NRG1: variants seen among roughly 807,000 people sequenced by gnomAD.
NRG1 encodes pro-neuregulin-1, membrane-bound isoform.
In NRG1, 18 loss-of-function variants were observed where a neutral mutation model predicts 63.8. The observed-to-expected ratio is 0.28, with a 90% CI of 0.19 to 0.42. The LOEUF is 0.42. Ranked by LOEUF, NRG1 falls within the 10% of genes least tolerant of loss-of-function variation. NRG1 has a pLI of 1.00. For missense variants in NRG1, 762 were observed against 814.7 expected, an observed-to-expected ratio of 0.94 and a Z score of 0.79; for synonymous variants, 302 against 301.3, an observed-to-expected ratio of 1.00 and a Z score of -0.02.
At chr8:31,672,211 T>C (rs779323583) in intron 1 of NRG1, among the ~76,000 whole-genome samples, 1 of 152,116 alleles carries the variant, frequency 6.6e-6, no homozygotes, top group Non-Finnish European at 1.5e-5. Context: ...GCAAGCCTAA[T>C]GTATATGATT....
At chr8:31,759,316 C>G (rs1262102974) in intron 1 of NRG1, among the ~76,000 whole-genome samples, 4 of 152,016 alleles carry the variant, frequency 2.6e-5, no homozygotes, top group Non-Finnish European at 5.9e-5. Context: ...ATTTGCCTAT[C>G]AAGTTTATGA....
intron 8 of NRG1, among the ~76,000 whole-genome samples, chr8:32,755,867 C>A (rs113766435): frequency 1.3e-5 from 2 of 151,936 alleles, no homozygotes; most frequent in Admixed American, 1.3e-4. Flanking sequence ...CTCAGCCTCC[C>A]GAGTAGCTGG....
intron 1 of NRG1, among the ~76,000 whole-genome samples, chr8:32,393,428 G>A (rs529209777): frequency 6.6e-6 from 1 of 152,180 alleles, no homozygotes; most frequent in South Asian, 2.1e-4. Context: ...AAAAACACAC[G>A]CATGCTTATG....
At chr8:32,187,472 T>C (rs987985534) in intron 1 of NRG1, among the ~76,000 whole-genome samples, 2 of 152,200 alleles carry the variant, frequency 1.3e-5, no homozygotes, top group Non-Finnish European at 2.9e-5. Flanking sequence ...AAAAGAGTTA[T>C]TGAGAGCTCT....
intron 1 of NRG1, among the ~76,000 whole-genome samples, chr8:32,030,052 C>T (rs1048286537): frequency 6.6e-6 from 1 of 152,050 alleles, no homozygotes; most frequent in Non-Finnish European, 1.5e-5. Context: ...AATATTTTTA[C>T]AATAATTTAA....
At chr8:32,135,004 G>A (rs1360355388) in intron 1 of NRG1, among the ~76,000 whole-genome samples, 5 of 152,142 alleles carry the variant, frequency 3.3e-5, no homozygotes, top group Non-Finnish European at 7.4e-5. Context: ...AGAAAGAAAA[G>A]CCATGCAAAA....
chr8:31,765,363 C>T (rs770782007), intron 1 of NRG1, among the ~76,000 whole-genome samples: 2 of 152,096 alleles, frequency 1.3e-5, no homozygotes, highest in African/African-American at 2.4e-5. Context: ...ACTTCCAGTA[C>T]TATATTGAAT....
At chr8:32,322,532 G>C (rs1054403241) in intron 1 of NRG1, among the ~76,000 whole-genome samples, 2 of 151,924 alleles carry the variant, frequency 1.3e-5, no homozygotes, top group African/African-American at 4.8e-5. Context: ...CCTATATATT[G>C]GTTCTAGGAC....
intron 1 of NRG1, among the ~76,000 whole-genome samples, chr8:32,316,053 G>A (rs1857347750): frequency 6.7e-6 from 1 of 149,492 alleles, no homozygotes; most frequent in Admixed American, 6.6e-5. Context: ...TGATATCTGA[G>A]GACAGGGTGA....
chr8:32,153,498 T>C (rs906752022), intron 1 of NRG1, among the ~76,000 whole-genome samples: 1 of 152,154 alleles, frequency 6.6e-6, no homozygotes, highest in African/African-American at 2.4e-5. Context: ...TCAAGGTAAT[T>C]ATTGGTATGC....
intron 2 of NRG1, among the ~76,000 whole-genome samples, chr8:32,597,306 G>A (rs986998385): frequency 1.3e-5 from 2 of 152,112 alleles, no homozygotes; most frequent in Non-Finnish European, 2.9e-5. Flanking sequence ...ATTACAATGA[G>A]AATTAAATTT....
chr8:32,697,355 A>G (rs1813626418), intron 5 of NRG1, among the ~76,000 whole-genome samples: 1 of 152,208 alleles, frequency 6.6e-6, no homozygotes, highest in Non-Finnish European at 1.5e-5. Context: ...CAATTCAGTT[A>G]TTAAATTTTT....
At chr8:32,297,131 A>G (rs1443048292) in intron 1 of NRG1, among the ~76,000 whole-genome samples, 1 of 152,028 alleles carries the variant, frequency 6.6e-6, no homozygotes, top group African/African-American at 2.4e-5. Flanking sequence ...AAAAAATTAT[A>G]TTTATAATTA....
intron 5 of NRG1, among the ~76,000 whole-genome samples, chr8:32,724,715 G>C (rs1373305223): frequency 6.6e-6 from 1 of 152,060 alleles, no homozygotes; most frequent in Non-Finnish European, 1.5e-5. Flanking sequence ...GTAACACTTC[G>C]CATCACCTGG....
rs367543161 is a variant in NRG1 at position 32,742,054 on chromosome 8, A to G, written c.633-621A>G. ...AGCAAGATGTACTGAGAATGTGCCC[A>G]TGAAAGTCCAAAACCAAGAAAGTAT... On this transcript the variant is annotated intron_variant, in intron 6 of 11. Coordinates refer to ENST00000356819, the Ensembl canonical transcript of NRG1. The surrounding 1 kb of genome is among the most constrained non-coding windows in gnomAD (Gnocchi z 4.2). 9 of 1,613,572 alleles carry G rather than the reference A, an allele frequency of 5.6e-6. No individual in the cohort carries two copies. The African/African-American group carries it at 1.2e-4, about 22-fold the overall frequency.
Position 32,319,004 on chromosome 8 carries a change from G to A in NRG1, c.38-276824G>A, listed in dbSNP as rs112731564. On this transcript the variant is annotated intron_variant, in intron 1 of 10. Transcript: ENST00000519301. ...GAGGCCCAGATAGGAGTGACTGTGC[G>A]ATGTAAAAAAGGCTTGCCAACACCA... Among the ~76,000 whole-genome samples, 607 of 152,222 alleles carry A rather than the reference G, an allele frequency of 4.0e-3. 5 individuals are homozygous for A. Among genetic ancestry groups the A allele is most frequent in the Non-Finnish European group, 4.1e-3 (280 of 68,016 alleles).
chr8:32,655,209 C>A (rs1158208133), intron 5 of NRG1, among the ~76,000 whole-genome samples: 3 of 152,050 alleles, frequency 2.0e-5, no homozygotes, highest in Non-Finnish European at 4.4e-5. Flanking sequence ...GGTAACAATG[C>A]CTGGAGAATA....
chr8:32,322,243 C>A (rs374389766), intron 1 of NRG1, among the ~76,000 whole-genome samples: 51 of 151,676 alleles, frequency 3.4e-4, no homozygotes, highest in African/African-American at 1.2e-3. Context: ...TGGAGATTTT[C>A]TGACTATAAC....
At chr8:31,813,233 A>G (rs1823057824) in intron 1 of NRG1, among the ~76,000 whole-genome samples, 1 of 152,174 alleles carries the variant, frequency 6.6e-6, no homozygotes, top group Non-Finnish European at 1.5e-5. Context: ...TTACCTTGAA[A>G]CAGTATGGAA....
Sources: gnomAD v4.1 joint callset for allele counts (sites outside exome capture counted in the v4.1 genomes callset) on GRCh38, gnomAD v4.1.1 for gene constraint, Gnocchi (gnomAD v3.1) non-coding constraint, MANE v1.5 for transcripts, NCBI Gene and HGNC (gene_info 2026-07-23, HGNC 2026-07-21) for gene names.